Variants in SLA observed in about 807,000 individuals in gnomAD.
SLA encodes Src like adaptor, also known as src-like-adapter.
SLA carries 16 observed loss-of-function variants against 30.3 expected under a neutral mutation model. The observed-to-expected ratio is 0.53, with a 90% CI of 0.36 to 0.80. The LOEUF (loss-of-function observed/expected upper bound fraction) is 0.80. SLA is among the 30% of genes least tolerant of loss of function. The pLI is 0.01. For missense variants in SLA, 310 were observed against 345.2 expected, an observed-to-expected ratio of 0.90 and a Z score of 0.81; for synonymous variants, 143 against 137.8, an observed-to-expected ratio of 1.04 and a Z score of -0.26.
intron 1 of SLA, among the ~76,000 whole-genome samples, chr8:133,101,638 T>A (rs1222786343): frequency 1.3e-5 from 2 of 152,210 alleles, no homozygotes; most frequent in East Asian, 3.8e-4. Flanking sequence ...CACCAACACC[T>A]GTTTGTTTAG....
In SLA at chr8:133,060,304, T is replaced by G. The variant is rs140708427; in HGVS notation, c.-40-104A>C. On this transcript the variant is annotated intron_variant, in intron 2 of 8. Coordinates refer to ENST00000338087, the MANE Select transcript of SLA (RefSeq NM_001045556.3). ...ATCGTGCATCATTTTTCTGGCAGCTTGCTTCTTGAAAGGCGGCTGTTTATA... is the reference window on the plus strand; with the variant it reads ...ATCGTGCATCATTTTTCTGGCAGCTGGCTTCTTGAAAGGCGGCTGTTTATA... 1,243 of 1,569,108 alleles carry G rather than the reference T, an allele frequency of 7.9e-4. 9 individuals are homozygous for G. In the African/African-American group the frequency reaches 0.015, roughly 19 times the overall value.
At position 133,049,951 on chromosome 8, in the gene SLA, C is replaced by T. The variant is rs1840095729; in HGVS notation, c.199G>A (p.Gly67Ser). 6.2e-7 allele frequency: 1 copy of T among 1,613,746 alleles called. No individual in the cohort carries two copies. Among genetic ancestry groups the T allele is most frequent in the Non-Finnish European group, 8.5e-7 (1 of 1,179,648 alleles). ...GWWKAISLST[G>S]RESYIPGICV... ...ATTCCAGGGATGTAACTCTCTCGACCAGTGCTAAGAGAAATAGCTTTCCAC... is the reference window on the plus strand; with the variant it reads ...ATTCCAGGGATGTAACTCTCTCGACTAGTGCTAAGAGAAATAGCTTTCCAC... The change falls in exon 5 of 9, where the codon GGT becomes AGT. Residue 67 changes from glycine (G) to serine (S), a missense_variant. Physicochemically the swap from Gly to Ser is moderately conservative, Grantham distance 56. Coordinates refer to ENST00000338087, the MANE Select transcript of SLA (RefSeq NM_001045556.3).
At chr8:133,041,059 T>C (rs1838128732) in intron 7 of SLA, among the ~76,000 whole-genome samples, 1 of 152,210 alleles carries the variant, frequency 6.6e-6, no homozygotes, top group Admixed American at 6.5e-5. Flanking sequence ...TTGATTCTGC[T>C]GTACTCAGCC....
intron 1 of SLA, among the ~76,000 whole-genome samples, chr8:133,081,603 C>T (rs1437499790): frequency 1.3e-5 from 2 of 152,130 alleles, no homozygotes; most frequent in East Asian, 1.9e-4. Context: ...AAAAAGTAGC[C>T]GCTTTATGTC....
intron 4 of SLA, 26 bp from the exon 5 acceptor site, chr8:133,050,014 C>T (rs1375976410): frequency 5.4e-6 from 8 of 1,487,690 alleles, no homozygotes; most frequent in South Asian, 4.5e-5. Flanking sequence ...CAGAGAAGAA[C>T]ACAGAGATAG....
chr8:133,042,845 C>G lies in SLA; in HGVS notation c.484+2139G>C, dbSNP rs902384383. Among the ~76,000 whole-genome samples the G allele has an allele frequency of 1.6e-4, 24 of 151,782 alleles. 1 individual carries two copies. Among genetic ancestry groups the G allele is most frequent in the African/African-American group, 5.6e-4 (23 of 41,306 alleles). Reference sequence around the variant, plus strand: ...AATAGTTGGGATTACAGGCGCCCACCACCACACCTGGCTAAATTTTGTATT... The same window carrying G: ...AATAGTTGGGATTACAGGCGCCCACGACCACACCTGGCTAAATTTTGTATT... On this transcript the variant is annotated intron_variant, in intron 7 of 8. Coordinates refer to ENST00000338087, the MANE Select transcript of SLA (RefSeq NM_001045556.3).
chr8:133,053,932 T>C (rs1840886472), intron 3 of SLA, among the ~76,000 whole-genome samples: 1 of 152,166 alleles, frequency 6.6e-6, no homozygotes, highest in South Asian at 2.1e-4. Flanking sequence ...TGCCTGATCC[T>C]TTGCAAGAGA....
At chr8:133,096,304 G>A (rs1225125695) in intron 1 of SLA, 1 of 1,614,190 alleles carries the variant, frequency 6.2e-7, no homozygotes, top group East Asian at 2.2e-5. Flanking sequence ...GGTCTTTATG[G>A]GTAGAGGTCG....
chr8:133,072,495 T>C (rs1347007048), intron 2 of SLA, among the ~76,000 whole-genome samples: 2 of 152,220 alleles, frequency 1.3e-5, no homozygotes, highest in African/African-American at 4.8e-5. Context: ...GATAAATGTA[T>C]GAACAGGACC....
rs141642525 is a variant in SLA, at chr8:133,053,092, T to C, written c.62-2177A>G. 2.2e-3 allele frequency among the ~76,000 whole-genome samples: 337 copies of C among 152,294 alleles called. 1 individual carries two copies. Among genetic ancestry groups the C allele is most frequent in the African/African-American group, 7.6e-3 (317 of 41,566 alleles). On this transcript the variant is annotated intron_variant, in intron 3 of 8. Coordinates refer to ENST00000338087, the MANE Select transcript of SLA (RefSeq NM_001045556.3). ...CAGAGCCTCCGGATAGGCTGTTCCC[T>C]CTGCCTGGAACACACCCTGCTCTTC...
At chr8:133,045,936 T>A (rs1247154421) in intron 6 of SLA, among the ~76,000 whole-genome samples, 5 of 152,180 alleles carry the variant, frequency 3.3e-5, no homozygotes, top group Admixed American at 6.5e-5. Flanking sequence ...TTTTCCTTTG[T>A]CTATACTCTC....
rs117297456 is a variant in SLA, at chr8:133,101,946, C to T, written c.-319+607G>A. On this transcript the variant is annotated intron_variant, in intron 1 of 8. Coordinates refer to ENST00000338087, the MANE Select transcript of SLA (RefSeq NM_001045556.3). Reference sequence around the variant, plus strand: ...CCTGGGTGTCCTTGGATTGCAATCACGAGCATCCAAGTTACCCAGAGTCTG... The same window carrying T: ...CCTGGGTGTCCTTGGATTGCAATCATGAGCATCCAAGTTACCCAGAGTCTG... Among the ~76,000 whole-genome samples, 33 of 152,296 alleles carry T rather than the reference C, an allele frequency of 2.2e-4. 1 individual carries two copies. Among genetic ancestry groups the T allele is most frequent in the South Asian group, 1.0e-3 (5 of 4,830 alleles).
In SLA at chr8:133,049,946, T is replaced by C; in HGVS notation, c.204A>G (p.Arg68=). 6.2e-7 allele frequency: 1 copy of C among 1,613,838 alleles called. No individual in the cohort carries two copies. The highest frequency in any genetic ancestry group is 1.7e-4 in the Middle Eastern group (1 of 6,060). ...CACATATTCCAGGGATGTAACTCTC[T>C]CGACCAGTGCTAAGAGAAATAGCTT... ...WWKAISLSTG[R]ESYIPGICVA... is the part of the protein sequence containing the mutation. The change falls in exon 5 of 9, where the codon CGA becomes CGG. Residue 68 remains arginine (R), a synonymous_variant. Coordinates refer to ENST00000338087, the MANE Select transcript of SLA (RefSeq NM_001045556.3).
intron 8 of SLA, among the ~76,000 whole-genome samples, chr8:133,039,000 C>G (rs1340440282): frequency 6.6e-6 from 1 of 152,158 alleles, no homozygotes; most frequent in Non-Finnish European, 1.5e-5. Context: ...TCCTTAGCCT[C>G]CTGAGTAGCT....
rs149957450 is a variant in SLA at position 133,061,979 on chromosome 8, C to A, written c.-40-1779G>T. The stretch of plus-strand genomic sequence containing the variant: ...ATATCTTAGACATTTACATGAACAA[C>A]TTGTCACTTACTGCTCAAGCTAATG... On this transcript the variant is annotated intron_variant, in intron 2 of 8. Coordinates refer to ENST00000338087, the MANE Select transcript of SLA (RefSeq NM_001045556.3). Among the ~76,000 whole-genome samples, 16 of 152,346 alleles carry A rather than the reference C, an allele frequency of 1.1e-4. No homozygotes were observed. The East Asian group carries it at 1.2e-3, about 11-fold the overall frequency.
chr8:133,102,510 G>A, intron 1 of SLA, 43 bp downstream of exon 1: 1 of 1,546,312 alleles, frequency 6.5e-7, no homozygotes, highest in Non-Finnish European at 8.8e-7. Flanking sequence ...GCCACCTATG[G>A]CCCACCCAGG....
At chr8:133,060,927 A>G (rs892073092) in intron 2 of SLA, among the ~76,000 whole-genome samples, 2 of 152,258 alleles carry the variant, frequency 1.3e-5, no homozygotes, top group East Asian at 1.9e-4. Flanking sequence ...GGGTTGCTCC[A>G]TAACGGTTTT....
intron 1 of SLA, among the ~76,000 whole-genome samples, chr8:133,094,079 T>C (rs1161080716): frequency 6.6e-6 from 1 of 152,016 alleles, no homozygotes; most frequent in Non-Finnish European, 1.5e-5. Context: ...GGGAGCCCCA[T>C]AGCGGATGCA....
chr8:133,083,355 G>T (rs1233138514), intron 1 of SLA, among the ~76,000 whole-genome samples: 1 of 152,038 alleles, frequency 6.6e-6, no homozygotes, highest in East Asian at 1.9e-4. Flanking sequence ...CTTGAAACAT[G>T]TATGCACTTT....
Sources: allele counts gnomAD v4.1 joint callset (sites outside exome capture counted in the v4.1 genomes callset), GRCh38; gene constraint gnomAD v4.1.1; transcripts MANE v1.5; gene names NCBI Gene and HGNC (gene_info 2026-07-23, HGNC 2026-07-21).